Variants in HS3ST5 observed in about 807,000 individuals in gnomAD.
HS3ST5 encodes heparan sulfate-glucosamine 3-sulfotransferase 5.
In HS3ST5, 10 loss-of-function variants were observed where a neutral mutation model predicts 25.4. The observed-to-expected ratio is 0.39, with a 90% CI of 0.24 to 0.67. The LOEUF is 0.67. Ranked by LOEUF, HS3ST5 falls within the 30% of genes least tolerant of loss-of-function variation. HS3ST5 has a pLI of 0.44. For missense variants in HS3ST5, 324 were observed against 420.7 expected (o/e 0.77, Z 2.01); for synonymous variants, 170 against 162.4 (o/e 1.05, Z -0.36).
At chr6:114,310,498 G>A (rs551485795) in intron 1 of HS3ST5, among the ~76,000 whole-genome samples, 2 of 151,450 alleles carry the variant, frequency 1.3e-5, no homozygotes, top group Non-Finnish European at 2.9e-5. Context: ...GTTTTTTTGT[G>A]GAAAAGACTT....
chr6:114,080,822 A>G (rs753296777), intron 3 of HS3ST5, among the ~76,000 whole-genome samples: 1 of 152,162 alleles, frequency 6.6e-6, no homozygotes, highest in African/African-American at 2.4e-5. Flanking sequence ...AAAACTAACT[A>G]TTGGGTATTA....
At chr6:114,336,171 T>A (rs1582825006) in intron 1 of HS3ST5, among the ~76,000 whole-genome samples, 1 of 152,212 alleles carries the variant, frequency 6.6e-6, no homozygotes, top group African/African-American at 2.4e-5. Flanking sequence ...TATGTTGATG[T>A]TAAAGATGGT....
intron 1 of HS3ST5, among the ~76,000 whole-genome samples, chr6:114,264,107 T>C (rs1216583063): frequency 6.6e-6 from 1 of 152,202 alleles, no homozygotes; most frequent in Non-Finnish European, 1.5e-5. Context: ...AAACTACCTT[T>C]TAAACTTAAT....
intron 1 of HS3ST5, among the ~76,000 whole-genome samples, chr6:114,249,673 AAGCCCCTTTGCCTCCATTTGGGAC>A (rs921085188): frequency 1.3e-5 from 2 of 152,316 alleles, no homozygotes; most frequent in African/African-American, 4.8e-5. Flanking sequence ...TACAAAGGCC[AAGCCCCTTTGCCTCCATTTGGGAC>A]AGCTCTGGGG....
intron 1 of HS3ST5, among the ~76,000 whole-genome samples, chr6:114,265,407 A>G (rs1212140587): frequency 2.0e-5 from 3 of 152,154 alleles, no homozygotes; most frequent in African/African-American, 7.2e-5. Flanking sequence ...TGGATCCTAG[A>G]TGGCAGGGAG....
intron 3 of HS3ST5, among the ~76,000 whole-genome samples, chr6:114,096,302 A>T (rs1321228676): frequency 2.6e-5 from 4 of 152,198 alleles, no homozygotes; most frequent in Non-Finnish European, 5.9e-5. Flanking sequence ...AATGCATCTT[A>T]GGTATCATTT....
chr6:114,333,892 T>C (rs1439386584), intron 1 of HS3ST5, among the ~76,000 whole-genome samples: 2 of 152,106 alleles, frequency 1.3e-5, no homozygotes, highest in East Asian at 3.9e-4. Context: ...AACAGAGGAA[T>C]TGAACCATAG....
chr6:114,145,961 T>C (rs1778141249), intron 3 of HS3ST5, among the ~76,000 whole-genome samples: 2 of 152,228 alleles, frequency 1.3e-5, no homozygotes, highest in African/African-American at 4.8e-5. Flanking sequence ...GAAAGGAAAG[T>C]ACATTTTCCT....
intron 1 of HS3ST5, among the ~76,000 whole-genome samples, chr6:114,285,924 A>G (rs1487838653): frequency 1.3e-5 from 2 of 152,056 alleles, no homozygotes; most frequent in East Asian, 3.9e-4. Context: ...GAAAGACATC[A>G]CTAAATGAAC....
At chr6:114,140,170 C>T (rs1777832224) in intron 3 of HS3ST5, among the ~76,000 whole-genome samples, 1 of 152,182 alleles carries the variant, frequency 6.6e-6, no homozygotes, top group Non-Finnish European at 1.5e-5. Context: ...CAGTTTGATG[C>T]TACAGTATCT....
intron 2 of HS3ST5, among the ~76,000 whole-genome samples, chr6:114,175,358 G>C (rs1463609197): frequency 6.6e-6 from 1 of 152,152 alleles, no homozygotes; most frequent in Non-Finnish European, 1.5e-5. Flanking sequence ...TCTTGAAAGA[G>C]ACTTAAATCT....
intron 3 of HS3ST5, among the ~76,000 whole-genome samples, chr6:114,101,327 A>G (rs983877391): frequency 2.0e-5 from 3 of 152,226 alleles, no homozygotes; most frequent in African/African-American, 2.4e-5. Context: ...ACAACTTCCT[A>G]TATGATATTG....
chr6:114,229,476 C>T (rs1771472205), intron 1 of HS3ST5, among the ~76,000 whole-genome samples: 1 of 152,200 alleles, frequency 6.6e-6, no homozygotes, highest in African/African-American at 2.4e-5. Context: ...AGAGCATACA[C>T]ACATGCAAAC....
At chr6:114,206,112 C>G (rs778617691) in intron 2 of HS3ST5, among the ~76,000 whole-genome samples, 5 of 152,134 alleles carry the variant, frequency 3.3e-5, no homozygotes, top group Non-Finnish European at 7.4e-5. Context: ...GAAAAGACAC[C>G]CTTATCACTC....
At chr6:114,176,098 C>T (rs151200227) in intron 2 of HS3ST5, among the ~76,000 whole-genome samples, 2 of 152,300 alleles carry the variant, frequency 1.3e-5, no homozygotes, top group South Asian at 2.1e-4. Context: ...AGTGTATAGT[C>T]TCCATCAATA....
At chr6:114,329,210 G>A (rs1776294222) in intron 1 of HS3ST5, among the ~76,000 whole-genome samples, 1 of 152,162 alleles carries the variant, frequency 6.6e-6, no homozygotes. Flanking sequence ...GTGGGGAGTA[G>A]TAACCATTCC....
intron 2 of HS3ST5, among the ~76,000 whole-genome samples, chr6:114,220,257 C>T (rs2114484384): frequency 6.6e-6 from 1 of 152,114 alleles, no homozygotes; most frequent in African/African-American, 2.4e-5. Context: ...TATTATAATG[C>T]TTAAACTCAG....
chr6:114,113,386 C>T (rs980419173), intron 3 of HS3ST5, among the ~76,000 whole-genome samples: 2 of 152,082 alleles, frequency 1.3e-5, no homozygotes, highest in African/African-American at 4.8e-5. Context: ...TTACTCCAGC[C>T]TTATTACAAC....
At chr6:114,281,751 C>T (rs753676236) in intron 1 of HS3ST5, 4 of 152,056 alleles carry the variant, frequency 2.6e-5, no homozygotes, top group Admixed American at 6.6e-5. Context: ...TTTTCTCAGT[C>T]TGGCAAGGGC....
Sources: allele counts gnomAD v4.1 joint callset (sites outside exome capture counted in the v4.1 genomes callset), GRCh38; gene constraint gnomAD v4.1.1; transcripts MANE v1.5; gene names NCBI Gene and HGNC (gene_info 2026-07-23, HGNC 2026-07-21).